TRIM61: variants seen among roughly 807,000 people sequenced by gnomAD.
TRIM61 encodes the protein tripartite motif containing 61.
In TRIM61, 1 loss-of-function variant was observed where a neutral mutation model predicts 14.2. The observed-to-expected ratio is 0.07, with a 90% confidence interval of 0.03 to 0.33. The LOEUF (loss-of-function observed/expected upper bound fraction) is 0.33, where lower values mean the gene tolerates loss of function less well. Among genes scored for constraint, TRIM61 ranks in the 10% least tolerant of loss-of-function variants. The pLI is 0.99. For synonymous variants in TRIM61, 8 were observed against 71.6 expected (o/e 0.11, Z 4.49); for missense variants, 19 against 202.2 (o/e 0.09, Z 5.49).
intron 2 of TRIM61, among the ~76,000 whole-genome samples, chr4:164,973,271 T>A (rs1444781048): frequency 6.6e-6 from 1 of 152,050 alleles, no homozygotes; most frequent in Non-Finnish European, 1.5e-5. Flanking sequence ...AAAAGCGGAG[T>A]CTACAAGAAT....
chr4:164,958,796 G>A (rs1404108572), intron 3 of TRIM61: 3 of 166,936 alleles, frequency 1.8e-5, no homozygotes, highest in Non-Finnish European at 2.9e-5. Context: ...AAAACCTCCT[G>A]GGTCATGCCA....
chr4:164,976,224 G>T (rs1444664625), intron 2 of TRIM61, among the ~76,000 whole-genome samples: 1 of 152,208 alleles, frequency 6.6e-6, no homozygotes, highest in Non-Finnish European at 1.5e-5. Context: ...AGGGAACTCA[G>T]AGGCCGGTGC....
intron 3 of TRIM61, among the ~76,000 whole-genome samples, chr4:164,964,224 T>G (rs554963214): frequency 2.8e-4 from 42 of 151,416 alleles, no homozygotes; most frequent in Admixed American, 7.2e-4. Context: ...GGTGGGCGCA[T>G]GTAGTCCCAG....
At position 164,957,415 on chromosome 4, in the gene TRIM61, G is replaced by C. The variant is rs73871552; in HGVS notation, c.526-2319C>G. 5,078 of 1,613,928 alleles carry C rather than the reference G, an allele frequency of 3.1e-3. 139 individuals carry two copies. The African/African-American group carries it at 0.058, about 19-fold the overall frequency. ...AAGTCAGGAAGAGAACCACCATCAG[G>C]TCCCAGCCTCTTTTTGTGACAAGGA... On this transcript the variant is annotated intron_variant, in intron 3 of 4. Transcript: ENST00000329314.
At chr4:164,976,983 T>C (rs1255261857) in intron 1 of TRIM61, among the ~76,000 whole-genome samples, 158 bp from the exon 2 acceptor site, 1 of 152,206 alleles carries the variant, frequency 6.6e-6, no homozygotes. Flanking sequence ...AGCTTCTTGG[T>C]GGCAATACGT....
At chr4:164,972,154 T>G (rs1732382040) in intron 2 of TRIM61, among the ~76,000 whole-genome samples, 1 of 152,220 alleles carries the variant, frequency 6.6e-6, no homozygotes, top group Non-Finnish European at 1.5e-5. Flanking sequence ...TATTTCACAA[T>G]GTAAGCACTA....
At chr4:164,975,271 G>C (rs916383001) in intron 2 of TRIM61, among the ~76,000 whole-genome samples, 4 of 150,394 alleles carry the variant, frequency 2.7e-5, no homozygotes, top group African/African-American at 9.8e-5. Context: ...CACATAGTTA[G>C]TAAACTGCAG....
chr4:164,954,673 T>C lies in TRIM61; in HGVS notation c.*112A>G, dbSNP rs1731940407. The C allele has an allele frequency of 6.6e-6, 1 of 152,662 alleles. No homozygotes were observed. Among genetic ancestry groups the C allele is most frequent in the African/African-American group, 2.4e-5 (1 of 41,456 alleles). The allele number at this position is 152,662 out of a possible 1,614,324, so 9.5% of individuals were successfully genotyped here. A position where few individuals can be genotyped will look rare whatever the true frequency, so the allele number is the denominator to read the frequency against. ...TAGGAACATATACATACCCTACACA[T>C]GGTTGGCAGCATGGCTATAATCCCA... On this transcript the variant is annotated 3_prime_UTR_variant, in exon 5 of 5. Coordinates refer to ENST00000329314, the MANE Select transcript of TRIM61 (RefSeq NM_001012414.3).
chr4:164,957,520 C>T, intron 3 of TRIM61: 1 of 1,577,896 alleles, frequency 6.3e-7, no homozygotes, highest in South Asian at 1.2e-5. Context: ...AAGGAAGAAG[C>T]TCACAGGGGA....
At chr4:164,976,106 G>A (rs948390341) in intron 2 of TRIM61, among the ~76,000 whole-genome samples, 1 of 152,268 alleles carries the variant, frequency 6.6e-6, no homozygotes, top group African/African-American at 2.4e-5. Flanking sequence ...TTATGACATA[G>A]ATTCTATTGC....
At chr4:164,972,421 CT>C (rs1487309029) in intron 2 of TRIM61, among the ~76,000 whole-genome samples, 6 of 152,130 alleles carry the variant, frequency 3.9e-5, no homozygotes, top group African/African-American at 7.2e-5. Context: ...TCTTTTAAAT[CT>C]TTTTCAATCT....
intron 3 of TRIM61, among the ~76,000 whole-genome samples, chr4:164,963,228 T>C (rs1352054585): frequency 6.6e-6 from 1 of 151,608 alleles, no homozygotes; most frequent in Non-Finnish European, 1.5e-5. Context: ...CTGGGCAATA[T>C]AGTCAGACCC....
At chr4:164,974,889 G>A (rs1197420830) in intron 2 of TRIM61, among the ~76,000 whole-genome samples, 2 of 152,112 alleles carry the variant, frequency 1.3e-5, no homozygotes, top group African/African-American at 2.4e-5. Flanking sequence ...TGGGAGTGAG[G>A]TTGCATAGGG....
chr4:164,969,051 G>C (rs1003878111), intron 3 of TRIM61: 2 of 1,057,122 alleles, frequency 1.9e-6, no homozygotes, highest in African/African-American at 3.5e-5. Flanking sequence ...TTTCCATAGC[G>C]CACAGTTTTT....
chr4:164,957,278 G>A, intron 3 of TRIM61: 2 of 1,614,120 alleles, frequency 1.2e-6, no homozygotes, highest in East Asian at 2.2e-5. Context: ...CGTTTTCTCC[G>A]CGTGCCCTGT....
At chr4:164,968,442 T>A (rs139490181) in intron 3 of TRIM61, 27,001 of 984,788 alleles carry the variant, frequency 0.027, 453 homozygotes, top group African/African-American at 0.04. Flanking sequence ...GGTCCCATAA[T>A]CACATTTTTT....
rs762554625 is a variant in TRIM61, at chr4:164,961,153, C to CAAAAAAAAAAAAAAAAAAAAAAAAAAAA, written c.526-6085_526-6058dup. ...ATGACAGAAAATAAGAACTCTCAGG[C>CAAAAAAAAAAAAAAAAAAAAAAAAAAAA]AAAAAAAAAAAAAAAAAAAAAAAAA... On this transcript the variant is annotated intron_variant, in intron 3 of 4. Coordinates refer to ENST00000329314, the MANE Select transcript of TRIM61 (RefSeq NM_001012414.3). Among the ~76,000 whole-genome samples the CAAAAAAAAAAAAAAAAAAAAAAAAAAAA allele has an allele frequency of 1.3e-3, 42 of 31,722 alleles. 13 individuals carry two copies. Among genetic ancestry groups the CAAAAAAAAAAAAAAAAAAAAAAAAAAAA allele is most frequent in the Non-Finnish European group, 1.7e-3 (26 of 14,934 alleles). The allele number at this position is 31,722 out of a possible 152,430, so 20.8% of individuals were successfully genotyped here.
At chr4:164,965,131 T>A (rs1732208493) in intron 3 of TRIM61, among the ~76,000 whole-genome samples, 1 of 151,932 alleles carries the variant, frequency 6.6e-6, no homozygotes, top group Non-Finnish European at 1.5e-5. Context: ...CTACTAAAAA[T>A]ACAAAAATTG....
At chr4:164,958,749 GTTCA>G (rs1732069083) in intron 3 of TRIM61, 1 of 166,954 alleles carries the variant, frequency 6.0e-6, no homozygotes, top group Non-Finnish European at 1.5e-5. Flanking sequence ...AGAGCTATTA[GTTCA>G]TTCCAGCAAC....
Sources: allele counts gnomAD v4.1 joint callset (sites outside exome capture counted in the v4.1 genomes callset), GRCh38; gene constraint gnomAD v4.1.1; transcripts MANE v1.5; gene names NCBI Gene and HGNC (gene_info 2026-07-23, HGNC 2026-07-21).